PVT1: variants seen among roughly 807,000 people sequenced by gnomAD.
PVT1 encodes the protein CXCR4/PVT1 fusion.
At chr8:127,826,944 G>A (rs1030762227) in intron 2 of PVT1, among the ~76,000 whole-genome samples, 6 of 151,146 alleles carry the variant, frequency 4.0e-5, no homozygotes, top group Admixed American at 1.3e-4. Flanking sequence ...CTGAACTCAC[G>A]TGCCCTGGAT....
At chr8:128,022,862 AT>A (rs57327175) in intron 4 of PVT1, among the ~76,000 whole-genome samples, 3,185 of 133,858 alleles carry the variant, frequency 0.024, 94 homozygotes, top group African/African-American at 0.067. Flanking sequence ...GCAAGCTGAG[AT>A]TTTTTTTTTT....
chr8:127,951,165 G>C (rs1350506601), intron 3 of PVT1, among the ~76,000 whole-genome samples: 1 of 152,148 alleles, frequency 6.6e-6, no homozygotes, highest in Admixed American at 6.5e-5. Flanking sequence ...CAAAGTGCTG[G>C]GATTACAGGC....
intron 2 of PVT1, among the ~76,000 whole-genome samples, chr8:127,853,243 G>A (rs551041672): frequency 4.0e-4 from 61 of 152,188 alleles, no homozygotes; most frequent in African/African-American, 1.3e-3. Flanking sequence ...TGCAACTCTA[G>A]GAAGGCTTCC....
intron 5 of PVT1, among the ~76,000 whole-genome samples, chr8:128,093,821 A>G (rs1814392858): frequency 6.6e-6 from 1 of 152,022 alleles, no homozygotes; most frequent in African/African-American, 2.4e-5. Context: ...TATTTTTAGT[A>G]GAGACAGGGT....
At chr8:127,941,633 A>G (rs1311461438) in intron 3 of PVT1, among the ~76,000 whole-genome samples, 1 of 152,226 alleles carries the variant, frequency 6.6e-6, no homozygotes, top group Non-Finnish European at 1.5e-5. Flanking sequence ...TGCTTTATTT[A>G]GCCAGTTTGC....
intron 2 of PVT1, among the ~76,000 whole-genome samples, chr8:127,878,626 C>G (rs532248288): frequency 6.6e-6 from 1 of 152,306 alleles, no homozygotes; most frequent in African/African-American, 2.4e-5. Context: ...ATTACTGTTG[C>G]TATTCCTTAC....
intron 2 of PVT1, among the ~76,000 whole-genome samples, chr8:127,846,683 A>T (rs901385025): frequency 6.6e-6 from 1 of 151,920 alleles, no homozygotes; most frequent in African/African-American, 2.4e-5. Context: ...GGGGCCCCAA[A>T]TGGTACTCTC....
chr8:127,916,047 T>C (rs1295017335), intron 3 of PVT1, among the ~76,000 whole-genome samples: 1 of 152,180 alleles, frequency 6.6e-6, no homozygotes, highest in Non-Finnish European at 1.5e-5. Flanking sequence ...GGGGGGCAAA[T>C]ATTTATAGCC....
At chr8:127,837,427 G>A (rs1814922678) in intron 2 of PVT1, among the ~76,000 whole-genome samples, 1 of 151,624 alleles carries the variant, frequency 6.6e-6, no homozygotes, top group Non-Finnish European at 1.5e-5. Flanking sequence ...GAAATTAAGG[G>A]GAAATTCGGA....
rs571482529 is a variant in PVT1 at position 127,801,635 on chromosome 8, G to T, written n.372+5564G>T. ...TGTGTTGAGAAGAAACTAAATCAGG[G>T]TCAGGAGCTAGAGCACCAGGACAAA... On this transcript the variant is annotated intron_variant and non_coding_transcript_variant, in intron 2 of 10. Coordinates refer to ENST00000651587, the Ensembl canonical transcript of PVT1. 1.3e-4 allele frequency among the ~76,000 whole-genome samples: 20 copies of T among 152,234 alleles called. No homozygotes were observed. In the South Asian group the frequency reaches 1.7e-3, roughly 13 times the overall value.
Position 127,936,895 on chromosome 8 carries a change from C to G in PVT1, n.782+45897C>G, listed in dbSNP as rs559482068. 1.9e-3 allele frequency among the ~76,000 whole-genome samples: 287 copies of G among 152,350 alleles called. 1 individual carries two copies. The highest frequency in any genetic ancestry group is 6.6e-3 in the African/African-American group (273 of 41,580). On this transcript the variant is annotated intron_variant and non_coding_transcript_variant, in intron 3 of 10. Transcript: ENST00000651587. The stretch of plus-strand genomic sequence containing the variant: ...TCTTCTCCCTAGACACACTGTGTGT[C>G]CTTGGTTGGATTCTCTAGATGGGAG...
chr8:127,960,686 T>C (rs758326052), intron 3 of PVT1: 7 of 525,646 alleles, frequency 1.3e-5, no homozygotes, highest in Admixed American at 8.1e-5. Flanking sequence ...AACCCTGTTC[T>C]GGAGTCTGTC....
chr8:127,813,456 G>A (rs545399639), intron 2 of PVT1, among the ~76,000 whole-genome samples: 2 of 151,948 alleles, frequency 1.3e-5, no homozygotes, highest in African/African-American at 2.4e-5. Context: ...GGTTGTATTT[G>A]TAAATGCCTC....
chr8:128,002,603 C>G (rs1167105639), intron 4 of PVT1, among the ~76,000 whole-genome samples: 1 of 152,196 alleles, frequency 6.6e-6, no homozygotes, highest in Non-Finnish European at 1.5e-5. Context: ...CCTTGGCGCT[C>G]TTTGGCTTGT....
At chr8:128,045,700 G>A (rs1334695974) in intron 4 of PVT1, among the ~76,000 whole-genome samples, 1 of 152,174 alleles carries the variant, frequency 6.6e-6, no homozygotes, top group East Asian at 1.9e-4. Flanking sequence ...TGTGACAACC[G>A]AGCTGCCCTG....
intron 5 of PVT1, among the ~76,000 whole-genome samples, chr8:128,092,324 T>G (rs1368865554): frequency 1.3e-5 from 2 of 151,636 alleles, no homozygotes; most frequent in African/African-American, 4.9e-5. Context: ...CCCAGCTCCC[T>G]GAAGCTCTTC....
chr8:127,936,100 A>T (rs2129897762), intron 3 of PVT1, among the ~76,000 whole-genome samples: 1 of 139,638 alleles, frequency 7.2e-6, no homozygotes, highest in Non-Finnish European at 1.5e-5. Context: ...TGCCCAGGCC[A>T]GAGTGCAATG....
intron 4 of PVT1, among the ~76,000 whole-genome samples, chr8:127,992,909 A>C (rs1474677487): frequency 6.6e-6 from 1 of 152,198 alleles, no homozygotes; most frequent in Non-Finnish European, 1.5e-5. Context: ...CTGTCAAGGG[A>C]TACAAGCCAG....
At chr8:127,862,265 A>T (rs555766435) in intron 2 of PVT1, among the ~76,000 whole-genome samples, 2 of 152,112 alleles carry the variant, frequency 1.3e-5, no homozygotes, top group Non-Finnish European at 2.9e-5. Context: ...AAGATTAGCC[A>T]GGCGTGGTGG....
Sources: allele counts gnomAD v4.1 joint callset (sites outside exome capture counted in the v4.1 genomes callset), GRCh38; gene constraint gnomAD v4.1.1; transcripts MANE v1.5; gene names NCBI Gene and HGNC (gene_info 2026-07-23, HGNC 2026-07-21).